The following TNPO3 variants were observed in gnomAD, a reference collection of about 807,000 sequenced individuals.
The protein encoded by TNPO3 is transportin 3, also known as transportin-3.
TNPO3 carries 65 observed loss-of-function variants against 122.8 expected under a neutral mutation model. The ratio of observed to expected loss-of-function variants is 0.53; its 90% CI spans 0.43 to 0.65. The LOEUF is 0.65. TNPO3 is among the 30% of genes least tolerant of loss of function. TNPO3 has a pLI of 0.00. For missense variants in TNPO3, 850 were observed against 1,136.7 expected, an observed-to-expected ratio of 0.75 and a Z score of 3.63; for synonymous variants, 372 against 411.2, an observed-to-expected ratio of 0.90 and a Z score of 1.15.
intron 1 of TNPO3, among the ~76,000 whole-genome samples, chr7:129,047,568 T>C (rs1411202563): frequency 6.6e-6 from 1 of 152,150 alleles, no homozygotes; most frequent in East Asian, 1.9e-4. Flanking sequence ...TTTATACAAA[T>C]ATTAGAGAAA....
intron 21 of TNPO3, among the ~76,000 whole-genome samples, chr7:128,963,956 T>A (rs1309024012): frequency 6.6e-6 from 1 of 152,206 alleles, no homozygotes; most frequent in Non-Finnish European, 1.5e-5. Context: ...CACTTATATA[T>A]CTTTCTGAAA....
At position 128,974,852 on chromosome 7, in the gene TNPO3, C is replaced by T. The variant is rs116108543; in HGVS notation, c.2273+16G>A. 557 of 1,607,012 alleles carry T rather than the reference C, an allele frequency of 3.5e-4. 1 individual carries two copies. In the African/African-American group the frequency reaches 6.7e-3, roughly 19 times the overall value. ...AGGATGAGCAATTAAGAAATGGGCT[C>T]TTCAGAAGGATTTACCTGGTGGCTA... On this transcript the variant is annotated intron_variant, in intron 18 of 22. Transcript: ENST00000265388.
At chr7:129,000,076 T>G (rs1021982387) in intron 7 of TNPO3, among the ~76,000 whole-genome samples, 1 of 151,998 alleles carries the variant, frequency 6.6e-6, no homozygotes, top group Non-Finnish European at 1.5e-5. Context: ...TGGAGAAAAA[T>G]TGGGGGTGTT....
intron 21 of TNPO3, among the ~76,000 whole-genome samples, chr7:128,958,968 C>A (rs1426890284): frequency 6.6e-6 from 1 of 152,090 alleles, no homozygotes; most frequent in East Asian, 1.9e-4. Context: ...TGTGCCACTG[C>A]ACTCCAGGCT....
chr7:128,971,234 C>T (rs1384212347), intron 19 of TNPO3, among the ~76,000 whole-genome samples: 1 of 151,846 alleles, frequency 6.6e-6, no homozygotes, highest in Non-Finnish European at 1.5e-5. Flanking sequence ...AAACCTCCAT[C>T]CCCTGGGTTC....
At chr7:129,029,650 A>G (rs1281198518) in intron 1 of TNPO3, 1 of 151,944 alleles carries the variant, frequency 6.6e-6, no homozygotes, top group Non-Finnish European at 1.5e-5. Context: ...TTTCCACCAG[A>G]CTCTAGAGTG....
intron 4 of TNPO3, among the ~76,000 whole-genome samples, chr7:129,011,210 C>A (rs1428756005): frequency 6.6e-6 from 1 of 152,134 alleles, no homozygotes; most frequent in African/African-American, 2.4e-5. Flanking sequence ...TAAGATAATT[C>A]TATAAAATGA....
At chr7:129,013,220 A>G (rs2150418056) in intron 4 of TNPO3, among the ~76,000 whole-genome samples, 1 of 152,312 alleles carries the variant, frequency 6.6e-6, no homozygotes, top group East Asian at 1.9e-4. Flanking sequence ...GCTGCAGGAC[A>G]TTGATCTGGG....
chr7:128,984,349 G>C (rs547901104), intron 12 of TNPO3, 90 bp from the exon 13 acceptor site: 1 of 764,450 alleles, frequency 1.3e-6, no homozygotes, highest in Non-Finnish European at 2.1e-6. Context: ...CAGAAAAAGC[G>C]AACTGGTTTG....
intron 4 of TNPO3, among the ~76,000 whole-genome samples, chr7:129,006,712 C>T (rs911934121): frequency 2.6e-5 from 4 of 152,144 alleles, no homozygotes; most frequent in South Asian, 2.1e-4. Flanking sequence ...ATATAAACTA[C>T]ACAGGAAAAT....
Position 128,972,380 on chromosome 7 carries a change from G to C in TNPO3, c.2430+46C>G, listed in dbSNP as rs114573494. On this transcript the variant is annotated intron_variant, in intron 19 of 22. Coordinates refer to ENST00000265388, the MANE Select transcript of TNPO3 (RefSeq NM_012470.4). Reference sequence around the variant, plus strand: ...TCTCCTAAGGAATGACAAAGAGATAGGAGATAAAAGCTGTTAAGTAGAAAT... The same window carrying C: ...TCTCCTAAGGAATGACAAAGAGATACGAGATAAAAGCTGTTAAGTAGAAAT... The C allele has an allele frequency of 3.9e-4, 618 of 1,571,690 alleles. 8 individuals are homozygous for C. The African/African-American group carries it at 7.4e-3, about 19-fold the overall frequency.
chr7:128,982,715 AATT>A (rs1420138418), intron 13 of TNPO3, among the ~76,000 whole-genome samples: 4 of 152,238 alleles, frequency 2.6e-5, no homozygotes, highest in African/African-American at 9.6e-5. Flanking sequence ...AAGGCTTTAA[AATT>A]ATTATAGCTT....
intron 21 of TNPO3, among the ~76,000 whole-genome samples, chr7:128,965,239 A>C (rs1179345465): frequency 6.6e-6 from 1 of 152,252 alleles, no homozygotes; most frequent in Non-Finnish European, 1.5e-5. Flanking sequence ...CAACTATACA[A>C]CAAAAGAAAC....
intron 6 of TNPO3, 49 bp from the exon 7 acceptor site, chr7:129,000,616 A>AT (rs747768527): frequency 1.9e-6 from 3 of 1,557,038 alleles, no homozygotes; most frequent in Non-Finnish European, 2.6e-6. Flanking sequence ...TCTGGATATT[A>AT]TAAGTATATA....
rs117489740 is a variant in TNPO3 at position 128,990,589 on chromosome 7, T to C, written c.1359-489A>G. ...CCAAAAGATTTCTTATAGCTGGATA[T>C]TGGAAACTTTAAGAACAGGTTAAGT... On this transcript the variant is annotated intron_variant, in intron 10 of 22. Transcript: ENST00000265388. Among the ~76,000 whole-genome samples the C allele has an allele frequency of 3.7e-4, 56 of 152,342 alleles. No homozygotes were observed. The East Asian group carries it at 0.01, about 28-fold the overall frequency.
chr7:128,970,674 A>AT (rs928822501), intron 19 of TNPO3: 32 of 156,948 alleles, frequency 2.0e-4, no homozygotes, highest in Admixed American at 3.2e-4. Flanking sequence ...GATGGTATTA[A>AT]TTTTTTTTTA....
intron 1 of TNPO3, among the ~76,000 whole-genome samples, chr7:129,046,126 G>A (rs1026827660): frequency 6.7e-6 from 1 of 150,100 alleles, no homozygotes; most frequent in Non-Finnish European, 1.5e-5. Flanking sequence ...AACCCGGGAG[G>A]TGGAGGTTGC....
chr7:128,986,094 G>A (rs952232458), intron 12 of TNPO3, among the ~76,000 whole-genome samples: 1 of 152,266 alleles, frequency 6.6e-6, no homozygotes, highest in East Asian at 1.9e-4. Context: ...CCCTATAAAT[G>A]GCTGACAAGT....
rs190490751 is a variant in TNPO3 at position 128,978,966 on chromosome 7, G to T, written c.2061+17C>A. ...TTCTGTACATGGAACACGTCCCCCCGCAACAGATAACTTTACCTGTGTGAC... is the reference window on the plus strand; with the variant it reads ...TTCTGTACATGGAACACGTCCCCCCTCAACAGATAACTTTACCTGTGTGAC... On this transcript the variant is annotated intron_variant, in intron 16 of 22. Coordinates refer to ENST00000265388, the MANE Select transcript of TNPO3 (RefSeq NM_012470.4). The T allele has an allele frequency of 1.4e-5, 22 of 1,612,972 alleles. No homozygotes were observed. The East Asian group carries it at 4.7e-4, about 34-fold the overall frequency.
Sources: gnomAD v4.1 joint callset for allele counts (sites outside exome capture counted in the v4.1 genomes callset) on GRCh38, gnomAD v4.1.1 for gene constraint, MANE v1.5 for transcripts, NCBI Gene and HGNC (gene_info 2026-07-23, HGNC 2026-07-21) for gene names.